Variants in KANSL3 observed in about 807,000 individuals in gnomAD.
KANSL3 encodes KAT8 regulatory NSL complex subunit 3.
KANSL3 carries 16 observed loss-of-function variants against 89.2 expected under a neutral mutation model. The observed-to-expected ratio is 0.18, with a 90% CI of 0.12 to 0.27. The LOEUF is 0.27. Ranked by LOEUF, KANSL3 falls within the 10% of genes least tolerant of loss-of-function variation. The pLI is 1.00. For synonymous variants in KANSL3, 385 were observed against 419.7 expected (o/e 0.92, Z 1.01); for missense variants, 879 against 1,110.6 (o/e 0.79, Z 2.96).
Position 96,601,680 on chromosome 2 carries a change from T to C in KANSL3, c.2579A>G (p.Glu860Gly). The change falls in exon 20 of 21, where the codon GAG becomes GGG. Residue 860 changes from glutamate to glycine, a missense_variant. Transcript: ENST00000431828. Reference protein sequence around the residue: ...SPMGSGAAPSEESSSQVLPSS... With the variant: ...SPMGSGAAPSGESSSQVLPSS... Reference sequence around the variant, plus strand: ...GGGCAGCACCTGGGAAGAGGACTCCTCGGATGGGGCTGCTCCTGAGCCCAT... The same window carrying C: ...GGGCAGCACCTGGGAAGAGGACTCCCCGGATGGGGCTGCTCCTGAGCCCAT... The C allele has an allele frequency of 6.2e-7, 1 of 1,613,646 alleles. No individual in the cohort carries two copies. The highest frequency in any genetic ancestry group is 8.5e-7 in the Non-Finnish European group (1 of 1,179,718).
At chr2:96,603,940 G>T in intron 17 of KANSL3, 1 of 208,134 alleles carries the variant, frequency 4.8e-6, no homozygotes, top group South Asian at 1.7e-4. Context: ...CCAATCTCCT[G>T]TGGATAAGAA....
intron 18 of KANSL3, 77 bp from the exon 19 acceptor site, chr2:96,602,415 A>G (rs2105055321): frequency 9.3e-7 from 1 of 1,071,078 alleles, no homozygotes; most frequent in African/African-American, 1.6e-5. Flanking sequence ...CCCACAGCAT[A>G]TTATTAAAGG....
At chr2:96,625,496 T>C (rs148990518) in intron 3 of KANSL3, among the ~76,000 whole-genome samples, 2 of 152,354 alleles carry the variant, frequency 1.3e-5, no homozygotes, top group African/African-American at 4.8e-5. Context: ...TTTCCAAAAT[T>C]ATCCTGTTTT....
chr2:96,594,852 T>C lies in KANSL3; in HGVS notation c.*759A>G, dbSNP rs1214879001. ...TATCTGAACCTGCGGACTCTCTGGA[T>C]ACAGAAACTGCCCAAAGCATGGTGA... is the stretch of plus-strand genomic sequence containing the variant. On this transcript the variant is annotated 3_prime_UTR_variant, in exon 21 of 21. Transcript: ENST00000431828. 1 of 152,284 alleles carries C rather than the reference T, an allele frequency of 6.6e-6. No homozygotes were observed. Among genetic ancestry groups the C allele is most frequent in the Non-Finnish European group, 1.5e-5 (1 of 68,088 alleles). The allele number at this position is 152,284 out of a possible 1,614,324, so 9.4% of individuals were successfully genotyped here. A position where few individuals can be genotyped will look rare whatever the true frequency, so the allele number is the denominator to read the frequency against.
chr2:96,605,736 C>T, intron 14 of KANSL3: 1 of 355,490 alleles, frequency 2.8e-6, no homozygotes, highest in East Asian at 4.7e-5. Context: ...GGATGGCACC[C>T]TTCTCATCCC....
chr2:96,599,628 A>T, intron 20 of KANSL3: 1 of 231,196 alleles, frequency 4.3e-6, no homozygotes, highest in Non-Finnish European at 7.1e-6. Flanking sequence ...ATGCTTCAAT[A>T]GAAAGAAAAA....
intron 2 of KANSL3, among the ~76,000 whole-genome samples, chr2:96,632,993 G>A (rs917403874): frequency 2.0e-5 from 3 of 150,956 alleles, no homozygotes; most frequent in African/African-American, 4.9e-5. Context: ...AAAAATTACT[G>A]GGCACAAGGG....
intron 3 of KANSL3, 46 bp from the exon 4 acceptor site, chr2:96,619,808 T>TC: frequency 7.1e-7 from 1 of 1,402,748 alleles, no homozygotes; most frequent in South Asian, 1.2e-5. Context: ...CTGGGGACGC[T>TC]CCCCATGTAT....
At position 96,601,767 on chromosome 2, in the gene KANSL3, A is replaced by C; in HGVS notation, c.2492T>G (p.Val831Gly). The C allele has an allele frequency of 6.4e-7, 1 of 1,570,554 alleles. No homozygotes were observed. Among genetic ancestry groups the C allele is most frequent in the Non-Finnish European group, 8.6e-7 (1 of 1,159,472 alleles). Residue 831 changes from valine to glycine, a missense_variant, in exon 20 of 21, where the codon GTC (valine) becomes GGC (glycine). Around this residue, in one of 6 missense-constraint regions of KANSL3, gnomAD observed 61 missense variants for 61.7 expected, o/e 0.99. Coordinates refer to ENST00000431828, the MANE Select transcript of KANSL3 (RefSeq NM_001115016.3). The part of the protein sequence containing the change: ...QISNQASGLK[V>G]PTTITLTLRG... ...AAGTGTCAGAGTAATGGTGGTGGGGACCTTCAAGCCTGAGATAAAGAGAGA... is the reference window on the plus strand; with the variant it reads ...AAGTGTCAGAGTAATGGTGGTGGGGCCCTTCAAGCCTGAGATAAAGAGAGA...
Position 96,593,602 on chromosome 2 carries a change from G to T in KANSL3, c.*2009C>A. The T allele has an allele frequency of 1.3e-5, 4 of 305,300 alleles. No homozygotes were observed. Among genetic ancestry groups the T allele is most frequent in the Non-Finnish European group, 2.0e-5 (3 of 153,042 alleles). 18.9% of individuals were successfully genotyped at this position (305,300 alleles called of 1,614,324 possible). A position where few individuals can be genotyped will look rare whatever the true frequency, so the allele number is the denominator to read the frequency against. On this transcript the variant is annotated 3_prime_UTR_variant, in exon 21 of 21. Transcript: ENST00000431828. ...TTCTTCAGTTGTGGAGTTCTTCAAG[G>T]TGGACAGATCACACCTCAGGAAGTC...
chr2:96,605,387 C>T lies in KANSL3; in HGVS notation c.1866G>A (p.Val622=), dbSNP rs1443206915. The T allele has an allele frequency of 6.2e-7, 1 of 1,613,934 alleles. No individual in the cohort carries two copies. Among genetic ancestry groups the T allele is most frequent in the Non-Finnish European group, 8.5e-7 (1 of 1,179,874 alleles). ...SKTSKRPKIK[V]SLISQGDTAG... ...CTGTGTCCCCTTGGGAGATAAGGGA[C>T]ACCTTGATCTTCGGTCGTTTGGAGG... Residue 622 remains valine (V), a synonymous_variant, in exon 15 of 21, where the codon GTG becomes GTA. Transcript: ENST00000431828.
At chr2:96,599,907 A>T (rs890550810) in intron 20 of KANSL3, 5 of 152,602 alleles carry the variant, frequency 3.3e-5, no homozygotes, top group Non-Finnish European at 1.5e-5. Flanking sequence ...AAACTTTTTG[A>T]AGGGCAGTTA....
rs1183184597 is a variant in KANSL3 at position 96,619,386 on chromosome 2, C to T, written c.636G>A (p.Leu212=). The part of the protein sequence containing the change: ...TLSLPMLAAY[L]DALQTLKGKI... ...TCCCCTTCAGCGTCTGCAAAGCATC[C>T]AGGTAGGCTGCCAGCATGGGCAGAC... The change falls in exon 5 of 21, where the codon CTG becomes CTA. Residue 212 remains leucine, a synonymous_variant. Transcript: ENST00000431828. 13 of 1,612,950 alleles carry T rather than the reference C, an allele frequency of 8.1e-6. No homozygotes were observed. In the Admixed American group the frequency reaches 2.2e-4, roughly 27 times the overall value.
At chr2:96,615,153 G>A (rs1365091623) in intron 5 of KANSL3, 1 of 99,286 alleles carries the variant, frequency 1.0e-5, no homozygotes, top group Non-Finnish European at 1.7e-5. Context: ...GGGAAACAGA[G>A]GGAGACTGTC....
At chr2:96,612,143 G>A in intron 9 of KANSL3, 139 bp downstream of exon 9, 2 of 654,174 alleles carry the variant, frequency 3.1e-6, no homozygotes, top group African/African-American at 1.8e-5. Flanking sequence ...AATAAAATTT[G>A]TCTTCTACAG....
intron 5 of KANSL3, among the ~76,000 whole-genome samples, chr2:96,616,330 C>A (rs1029885099): frequency 6.6e-6 from 1 of 152,174 alleles, no homozygotes; most frequent in Non-Finnish European, 1.5e-5. Context: ...ACCAAAAAGC[C>A]TTGACACTTG....
intron 3 of KANSL3, chr2:96,628,536 AC>A (rs2072809829): frequency 6.0e-6 from 1 of 166,508 alleles, no homozygotes; most frequent in Non-Finnish European, 1.3e-5. Flanking sequence ...AGTCCCAGCT[AC>A]TTGGGAGGTT....
Position 96,593,665 on chromosome 2 carries a change from G to A in KANSL3, c.*1946C>T. ...CACACTAGAATTTATCATAAAGGCA[G>A]GTCGGCTTGTTAGTTTTTCTTTGTC... On this transcript the variant is annotated 3_prime_UTR_variant, in exon 21 of 21. Coordinates refer to ENST00000431828, the MANE Select transcript of KANSL3 (RefSeq NM_001115016.3). The A allele has an allele frequency of 9.5e-6, 2 of 209,900 alleles. No homozygotes were observed. Among genetic ancestry groups the A allele is most frequent in the South Asian group, 1.7e-4 (2 of 12,078 alleles). The allele number at this position is 209,900 out of a possible 1,614,324, so 13.0% of individuals were successfully genotyped here.
intron 20 of KANSL3, 160 bp downstream of exon 20, chr2:96,601,483 G>T: frequency 7.2e-7 from 1 of 1,384,698 alleles, no homozygotes; most frequent in South Asian, 1.7e-5. Flanking sequence ...TCCATGATTC[G>T]CTCAATATTA....
Sources: gnomAD v4.1 joint callset for allele counts (sites outside exome capture counted in the v4.1 genomes callset) on GRCh38, gnomAD v4.1.1 for gene constraint, gnomAD v4.1.1 regional missense constraint, MANE v1.5 for transcripts, NCBI Gene and HGNC (gene_info 2026-07-23, HGNC 2026-07-21) for gene names.